RINT1: variants seen among roughly 807,000 people sequenced by gnomAD.
The protein encoded by RINT1 is RAD50-interacting protein 1.
A neutral mutation model predicts 97.7 loss-of-function variants in RINT1; 75 were observed. The observed-to-expected ratio is 0.77, with a 90% CI of 0.64 to 0.93. The LOEUF is 0.93. RINT1 is among the 40% of genes least tolerant of loss of function. RINT1 has a pLI of 0.00. For synonymous variants in RINT1, 303 were observed against 326.3 expected (o/e 0.93, Z 0.77); for missense variants, 892 against 925.2 (o/e 0.96, Z 0.47).
chr7:105,554,099 C>T (rs191188210), intron 10 of RINT1, among the ~76,000 whole-genome samples: 49 of 151,804 alleles, frequency 3.2e-4, no homozygotes, highest in Admixed American at 2.4e-3. Context: ...GGGGTTTCAC[C>T]GTGTTAGCCA....
chr7:105,536,725 A>T lies in RINT1; in HGVS notation c.249A>T (p.Val83=). The change falls in exon 3 of 15, where the codon GTA becomes GTT. Residue 83 remains valine, a synonymous_variant. Coordinates refer to ENST00000257700, the MANE Select transcript of RINT1 (RefSeq NM_021930.6). The part of the protein sequence containing the change: ...KLDKLIEQRT[V]SKMQLEEQVL... ...ATAAACTCATAGAACAGAGGACAGTAAGTAAAATGCAGTTAGAAGAACAGG... is the reference window on the plus strand; with the variant it reads ...ATAAACTCATAGAACAGAGGACAGTTAGTAAAATGCAGTTAGAAGAACAGG... 6.2e-7 allele frequency: 1 copy of T among 1,600,358 alleles called. No homozygotes were observed. The highest frequency in any genetic ancestry group is 8.5e-7 in the Non-Finnish European group (1 of 1,174,816).
rs1423907177 is a variant in RINT1 at position 105,550,288 on chromosome 7, C to G, written c.1135C>G (p.Leu379Val). ...RLEFSRGLMM[L>V]VLEKLATDIP... is the part of the protein sequence containing the mutation. ...TGAATTTTCTCGGGGCCTTATGATG[C>G]TGGTTCTTGAGAAGTTAGCCACTGA... The change falls in exon 9 of 15, where the codon CTG (leucine) becomes GTG (valine). Residue 379 changes from leucine (L) to valine (V), a missense_variant. Leu to Val is a conservative substitution (Grantham distance 32, BLOSUM62 1). Coordinates refer to ENST00000257700, the MANE Select transcript of RINT1 (RefSeq NM_021930.6). The G allele has an allele frequency of 2.5e-6, 4 of 1,613,842 alleles. No homozygotes were observed. The highest frequency in any genetic ancestry group is 3.4e-6 in the Non-Finnish European group (4 of 1,179,994).
In RINT1 at chr7:105,550,176, C is replaced by T. The variant is rs771332229; in HGVS notation, c.1107+11C>T. ...TTGGTAAACGCAAGGGTAAGAGACT[C>T]AGTCATAAGTGTTTCTGTTTTAGAA... On this transcript the variant is annotated intron_variant, in intron 8 of 14. Coordinates refer to ENST00000257700, the MANE Select transcript of RINT1 (RefSeq NM_021930.6). 11 of 1,604,694 alleles carry T rather than the reference C, an allele frequency of 6.9e-6. No individual in the cohort carries two copies. Among genetic ancestry groups the T allele is most frequent in the Non-Finnish European group, 9.4e-6 (11 of 1,171,780 alleles).
intron 2 of RINT1, among the ~76,000 whole-genome samples, chr7:105,533,230 A>T (rs979886547): frequency 6.6e-6 from 1 of 152,162 alleles, no homozygotes; most frequent in African/African-American, 2.4e-5. Context: ...TCTAGGACAG[A>T]CGACCACCAC....
chr7:105,536,561 G>A lies in RINT1; in HGVS notation c.89-4G>A. 1.3e-6 allele frequency: 2 copies of A among 1,564,924 alleles called. No individual in the cohort carries two copies. Among genetic ancestry groups the A allele is most frequent in the Non-Finnish European group, 8.7e-7 (1 of 1,151,642 alleles). ...GTTGAGTAATTGTTATTCTTTTGTTGTAGGTGACATAAATGTTACAGTTCT... is the reference window on the plus strand; with the variant it reads ...GTTGAGTAATTGTTATTCTTTTGTTATAGGTGACATAAATGTTACAGTTCT... On this transcript the variant is annotated splice_polypyrimidine_tract_variant and splice_region_variant and intron_variant, in intron 2 of 14. Transcript: ENST00000257700.
At position 105,565,582 on chromosome 7, in the gene RINT1, A is replaced by G. The variant is rs1791685271; in HGVS notation, c.2120A>G (p.Asp707Gly). Residue 707 changes from aspartate (D) to glycine (G), a missense_variant, in exon 14 of 15, where the codon GAT (aspartate) becomes GGT (glycine). By Grantham distance (94) the Asp-to-Gly change is moderately conservative. Transcript: ENST00000257700. ...NEGGAAQLQF[D>G]MTRNLFPLFS... ...GGAGGAGCAGCCCAGCTGCAGTTTG[A>G]TATGACTCGGAATCTTTTCCCTTTG... 2 of 1,614,036 alleles carry G rather than the reference A, an allele frequency of 1.2e-6. No homozygotes were observed. The highest frequency in any genetic ancestry group is 8.5e-7 in the Non-Finnish European group (1 of 1,179,946).
In RINT1 at chr7:105,555,119, A is replaced by T; in HGVS notation, c.1563A>T (p.Thr521=). The stretch of plus-strand genomic sequence containing the variant: ...TAGATGATTTTAGGATACGATTAAC[A>T]CAAGTGATGAAAGAAGAGACTAGAG... ...DLVDDFRIRL[T]QVMKEETRAS... is the part of the protein sequence containing the mutation. Residue 521 remains threonine, a synonymous_variant, in exon 11 of 15, where the codon ACA becomes ACT. Coordinates refer to ENST00000257700, the MANE Select transcript of RINT1 (RefSeq NM_021930.6). The T allele has an allele frequency of 6.2e-7, 1 of 1,614,074 alleles. No homozygotes were observed. Among genetic ancestry groups the T allele is most frequent in the Non-Finnish European group, 8.5e-7 (1 of 1,179,976 alleles).
chr7:105,539,648 G>A (rs544914765), intron 3 of RINT1, among the ~76,000 whole-genome samples: 88 of 151,992 alleles, frequency 5.8e-4, no homozygotes, highest in African/African-American at 2.1e-3. Flanking sequence ...GATTACAGGC[G>A]TGAGTCACTG....
chr7:105,562,679 A>G (rs1791489806), intron 11 of RINT1, among the ~76,000 whole-genome samples: 1 of 152,122 alleles, frequency 6.6e-6, no homozygotes, highest in African/African-American at 2.4e-5. Flanking sequence ...TGGGCGGATC[A>G]TGAGGTCAGG....
chr7:105,533,042 A>G (rs1289590979), intron 2 of RINT1, among the ~76,000 whole-genome samples, 173 bp downstream of exon 2: 2 of 152,204 alleles, frequency 1.3e-5, no homozygotes, highest in East Asian at 3.8e-4. Flanking sequence ...TCTTTCTAAA[A>G]TTGTAAAATA....
At chr7:105,540,838 CTTTTT>C (rs56336226) in intron 3 of RINT1, among the ~76,000 whole-genome samples, 2 of 134,228 alleles carry the variant, frequency 1.5e-5, no homozygotes, top group Non-Finnish European at 1.6e-5. Flanking sequence ...TCTTTGTTTC[CTTTTT>C]TTTTTTTTTT....
chr7:105,543,731 A>G (rs984813924), intron 4 of RINT1, among the ~76,000 whole-genome samples: 1 of 152,064 alleles, frequency 6.6e-6, no homozygotes, highest in Non-Finnish European at 1.5e-5. Context: ...TGTTTTATGT[A>G]TTTCTTTTTC....
intron 3 of RINT1, among the ~76,000 whole-genome samples, chr7:105,541,427 G>A (rs536844923): frequency 6.6e-5 from 10 of 151,942 alleles, no homozygotes; most frequent in Non-Finnish European, 1.5e-4. Context: ...GTGAGCCACC[G>A]TGCCCGGCCC....
chr7:105,566,097 C>A (rs1791722940), intron 14 of RINT1, among the ~76,000 whole-genome samples: 1 of 140,040 alleles, frequency 7.1e-6, no homozygotes, highest in African/African-American at 2.7e-5. Flanking sequence ...GTGATACCCC[C>A]ATCTCTACTA....
At chr7:105,564,396 A>G (rs1267710035) in intron 12 of RINT1, among the ~76,000 whole-genome samples, 1 of 152,126 alleles carries the variant, frequency 6.6e-6, no homozygotes, top group Non-Finnish European at 1.5e-5. Context: ...TGACATTCTT[A>G]ATCAGAATAA....
At chr7:105,551,857 G>C (rs1240083636) in intron 10 of RINT1, 150 bp downstream of exon 10, 1 of 536,986 alleles carries the variant, frequency 1.9e-6, no homozygotes, top group African/African-American at 2.0e-5. Flanking sequence ...CTTGAGCCCA[G>C]GAGTTCGAGA....
chr7:105,567,045 G>T (rs1791789082), intron 14 of RINT1, 74 bp from the exon 15 acceptor site: 9 of 914,456 alleles, frequency 9.8e-6, no homozygotes, highest in Non-Finnish European at 1.4e-5. Context: ...AAGCTGTTTA[G>T]GATTCTCAAA....
chr7:105,549,974 A>G, intron 7 of RINT1, 81 bp from the exon 8 acceptor site: 1 of 867,016 alleles, frequency 1.2e-6, no homozygotes, highest in Non-Finnish European at 1.8e-6. Flanking sequence ...TGTTGTGCAT[A>G]TACAATTAAA....
Position 105,548,674 on chromosome 7 carries a change from C to G in RINT1, c.960C>G (p.His320Gln). Residue 320 changes from histidine (H) to glutamine (Q), a missense_variant, in exon 7 of 15, where the codon CAC becomes CAG. His to Gln is a conservative substitution (Grantham distance 24, BLOSUM62 0). Transcript: ENST00000257700. ...LTPLQKRFRYHFRGNRQTNVL... is the reference protein window; with the variant it reads ...LTPLQKRFRYQFRGNRQTNVL... ...CTCTTCAGAAGAGGTTCAGGTATCA[C>G]TTCAGAGGGAACCGGCAGACTAATG... The G allele has an allele frequency of 6.2e-7, 1 of 1,613,978 alleles. No homozygotes were observed. The highest frequency in any genetic ancestry group is 8.5e-7 in the Non-Finnish European group (1 of 1,179,968).
Sources: gnomAD v4.1 joint callset for allele counts (sites outside exome capture counted in the v4.1 genomes callset) on GRCh38, gnomAD v4.1.1 for gene constraint, MANE v1.5 for transcripts, NCBI Gene and HGNC (gene_info 2026-07-23, HGNC 2026-07-21) for gene names.